The following CLASP1 variants were observed in gnomAD, a reference collection of about 807,000 sequenced individuals.
CLASP1 encodes the protein CLIP-associating protein 1.
In CLASP1, 38 loss-of-function variants were observed where a neutral mutation model predicts 192.3. The ratio of observed to expected loss-of-function variants is 0.20; its 90% confidence interval spans 0.15 to 0.26. CLASP1 has a LOEUF of 0.26. Among genes scored for constraint, CLASP1 ranks in the 10% least tolerant of loss-of-function variants. CLASP1 has a pLI of 1.00. For synonymous variants in CLASP1, 691 were observed against 712.8 expected (o/e 0.97, Z 0.49); for missense variants, 1,433 against 1,932.5 (o/e 0.74, Z 4.85).
intron 26 of CLASP1, 64 bp from the exon 28 acceptor site, chr2:121,401,934 G>A (rs999364041): frequency 1.6e-6 from 1 of 622,312 alleles, no homozygotes; most frequent in African/African-American, 1.8e-5. Flanking sequence ...AGTTGGCAGT[G>A]AATTAATACC....
chr2:121,345,811 C>T (rs1558801021), intron 39 of CLASP1, among the ~76,000 whole-genome samples: 2 of 151,958 alleles, frequency 1.3e-5, no homozygotes, highest in Non-Finnish European at 2.9e-5. Context: ...GGTGATTCTG[C>T]CCCCCAGAGG....
intron 19 of CLASP1, among the ~76,000 whole-genome samples, chr2:121,432,735 T>C (rs1241454192): frequency 1.3e-5 from 2 of 152,212 alleles, no homozygotes; most frequent in African/African-American, 2.4e-5. Context: ...TATTAAATTA[T>C]ATTTTCTGTT....
At chr2:121,596,003 G>A (rs918043080) in intron 2 of CLASP1, among the ~76,000 whole-genome samples, 14 of 152,170 alleles carry the variant, frequency 9.2e-5, no homozygotes, top group African/African-American at 3.1e-4. Flanking sequence ...AAAGCTACCT[G>A]CTCAAATATA....
intron 2 of CLASP1, among the ~76,000 whole-genome samples, chr2:121,604,263 T>C (rs982661288): frequency 8.5e-5 from 13 of 152,270 alleles, no homozygotes; most frequent in Non-Finnish European, 1.5e-5. Context: ...CTCTCATCTC[T>C]TTTAACACTC....
At chr2:121,349,412 G>C (rs2063945915) in intron 37 of CLASP1, among the ~76,000 whole-genome samples, 1 of 152,258 alleles carries the variant, frequency 6.6e-6, no homozygotes, top group South Asian at 2.1e-4. Context: ...AGCTGTGTTG[G>C]TAAGCACCAG....
intron 19 of CLASP1, among the ~76,000 whole-genome samples, chr2:121,443,166 G>A (rs2083648613): frequency 1.3e-5 from 2 of 151,930 alleles, no homozygotes; most frequent in Non-Finnish European, 2.9e-5. Flanking sequence ...GTCGGAGTCT[G>A]AGCTCTCTAT....
At chr2:121,351,127 G>A (rs985111773) in intron 37 of CLASP1, among the ~76,000 whole-genome samples, 1 of 152,122 alleles carries the variant, frequency 6.6e-6, no homozygotes, top group African/African-American at 2.4e-5. Flanking sequence ...CATACGGGAG[G>A]TGCTCCGTGG....
intron 20 of CLASP1, among the ~76,000 whole-genome samples, chr2:121,429,233 AC>A (rs1245836624): frequency 1.3e-5 from 2 of 148,334 alleles, no homozygotes; most frequent in East Asian, 3.9e-4. Flanking sequence ...ACTCTCTACA[AC>A]AGACAGACAG....
At chr2:121,423,168 T>G (rs1236380098) in intron 22 of CLASP1, among the ~76,000 whole-genome samples, 4 of 152,118 alleles carry the variant, frequency 2.6e-5, no homozygotes, top group African/African-American at 7.2e-5. Context: ...TGTGTGGAAA[T>G]TTAAAGAAAA....
intron 8 of CLASP1, among the ~76,000 whole-genome samples, chr2:121,493,510 G>A (rs373788011): frequency 1.3e-5 from 2 of 152,150 alleles, no homozygotes; most frequent in Admixed American, 6.5e-5. Flanking sequence ...ATGAATTAAA[G>A]AGTTAAACCT....
At chr2:121,647,346 C>T (rs1014085152) in intron 1 of CLASP1, among the ~76,000 whole-genome samples, 1 of 151,900 alleles carries the variant, frequency 6.6e-6, no homozygotes, top group Non-Finnish European at 1.5e-5. Context: ...TCAGCCTGGG[C>T]GACAAGAGTG....
At chr2:121,566,644 A>T (rs1040928430) in intron 2 of CLASP1, among the ~76,000 whole-genome samples, 1 of 152,216 alleles carries the variant, frequency 6.6e-6, no homozygotes, top group Non-Finnish European at 1.5e-5. Flanking sequence ...GCACAAGCTC[A>T]TGTCTTAAAT....
intron 19 of CLASP1, among the ~76,000 whole-genome samples, chr2:121,444,628 G>A (rs1286680689): frequency 6.6e-6 from 1 of 152,176 alleles, no homozygotes; most frequent in African/African-American, 2.4e-5. Context: ...GGCAGTCCAT[G>A]AGGACAGTAG....
At chr2:121,521,233 G>C (rs1431133996) in intron 6 of CLASP1, among the ~76,000 whole-genome samples, 2 of 152,194 alleles carry the variant, frequency 1.3e-5, no homozygotes, top group African/African-American at 4.8e-5. Flanking sequence ...TAATGGGGTG[G>C]AGGAGGGGAA....
In CLASP1 at chr2:121,387,238, A is replaced by G. The variant is rs1164868553; in HGVS notation, c.3268-10T>C. On this transcript the variant is annotated splice_polypyrimidine_tract_variant and intron_variant, in intron 31 of 39. Coordinates refer to ENST00000263710, the Ensembl canonical transcript of CLASP1. The stretch of plus-strand genomic sequence containing the variant: ...TATTGCTTGGAGAGCCCTGGGGTGA[A>G]GCAGAATAGGCATCGTTATTCAAGG... The G allele has an allele frequency of 3.2e-6, 5 of 1,561,816 alleles. No homozygotes were observed. The highest frequency in any genetic ancestry group is 4.3e-6 in the Non-Finnish European group (5 of 1,156,022).
At chr2:121,539,277 G>C (rs2095173242) in intron 2 of CLASP1, among the ~76,000 whole-genome samples, 1 of 152,110 alleles carries the variant, frequency 6.6e-6, no homozygotes, top group African/African-American at 2.4e-5. Flanking sequence ...CAATATCACA[G>C]GAATTAAGAC....
chr2:121,472,064 CATA>C (rs2090839390), intron 8 of CLASP1, among the ~76,000 whole-genome samples: 1 of 152,176 alleles, frequency 6.6e-6, no homozygotes, highest in Non-Finnish European at 1.5e-5. Flanking sequence ...TACCTTAAAT[CATA>C]ATCATTCTGC....
intron 2 of CLASP1, among the ~76,000 whole-genome samples, chr2:121,564,115 G>T (rs1275884220): frequency 6.6e-6 from 1 of 152,184 alleles, no homozygotes; most frequent in Non-Finnish European, 1.5e-5. Context: ...CAATGTGTGG[G>T]AATTATGAGA....
intron 1 of CLASP1, among the ~76,000 whole-genome samples, chr2:121,632,660 G>A (rs1377937210): frequency 1.3e-5 from 2 of 152,110 alleles, no homozygotes; most frequent in East Asian, 3.8e-4. Context: ...ACTTTGAGAG[G>A]CCGAGGTTGG....
Sources: gnomAD v4.1 joint callset for allele counts (sites outside exome capture counted in the v4.1 genomes callset) on GRCh38, gnomAD v4.1.1 for gene constraint, MANE v1.5 for transcripts, NCBI Gene and HGNC (gene_info 2026-07-23, HGNC 2026-07-21) for gene names.